The following SPOP variants were observed in gnomAD, a reference collection of about 807,000 sequenced individuals.
The protein encoded by SPOP is speckle-type POZ protein.
In SPOP, 11 loss-of-function variants were observed where a neutral mutation model predicts 45.6. The ratio of observed to expected loss-of-function variants is 0.24; its 90% CI spans 0.15 to 0.40. SPOP has a LOEUF of 0.40. Ranked by LOEUF, SPOP falls within the 10% of genes least tolerant of loss-of-function variation. The probability of loss-of-function intolerance (pLI) is 1.00; values close to 1 mark genes in which losing one functional copy is unlikely to be tolerated. For synonymous variants in SPOP, 166 were observed against 166.3 expected (o/e 1.00, Z 0.01); for missense variants, 152 against 465.6 (o/e 0.33, Z 6.20).
In SPOP at chr17:49,629,921, C is replaced by CT. The variant is rs577079920; in HGVS notation, c.-66-7046dup. On this transcript the variant is annotated intron_variant, in intron 1 of 9. Coordinates refer to ENST00000504102, the MANE Select transcript of SPOP (RefSeq NM_001007228.2). ...GAAGATATTAGATTGAATCATGAAA[C>CT]TGTTGTTTTATATGACAAAAATAGT... Among the ~76,000 whole-genome samples the CT allele has an allele frequency of 2.6e-4, 40 of 152,268 alleles. 1 individual carries two copies. In the South Asian group the frequency reaches 7.7e-3, roughly 29 times the overall value.
At chr17:49,665,158 T>C (rs1007365573) in intron 1 of SPOP, among the ~76,000 whole-genome samples, 6 of 152,166 alleles carry the variant, frequency 3.9e-5, no homozygotes, top group African/African-American at 1.4e-4. Flanking sequence ...TATCCCTATA[T>C]AAAATTACTC....
At chr17:49,678,144 C>A, upstream of SPOP, 2 of 394,948 alleles carry the variant, frequency 5.1e-6, no homozygotes, top group Non-Finnish European at 8.9e-6. Flanking sequence ...CCAGACCCCA[C>A]CCCGCGCGGC....
At chr17:49,666,474 C>T (rs2073060393) in intron 1 of SPOP, among the ~76,000 whole-genome samples, 1 of 151,648 alleles carries the variant, frequency 6.6e-6, no homozygotes, top group South Asian at 2.1e-4. Flanking sequence ...CACACACACA[C>T]ACACACACAC....
At chr17:49,620,289 C>G (rs1039757835) in intron 3 of SPOP, among the ~76,000 whole-genome samples, 2 of 151,986 alleles carry the variant, frequency 1.3e-5, no homozygotes, top group East Asian at 3.9e-4. Flanking sequence ...AATGGCCTGA[C>G]CAACATGGTG....
chr17:49,612,966 A>G (rs1275533366), intron 5 of SPOP: 1 of 152,230 alleles, frequency 6.6e-6, no homozygotes, highest in Non-Finnish European at 1.5e-5. Context: ...GATATTTACT[A>G]TCAGGTCAAG....
chr17:49,613,274 TAAAAAAAA>T (rs78472735), intron 5 of SPOP, among the ~76,000 whole-genome samples: 1 of 122,498 alleles, frequency 8.2e-6, no homozygotes, highest in African/African-American at 2.9e-5. Flanking sequence ...AATACTAATT[TAAAAAAAA>T]AAAAAAAAAA....
At chr17:49,612,520 A>C (rs1287681560) in intron 5 of SPOP, among the ~76,000 whole-genome samples, 1 of 152,244 alleles carries the variant, frequency 6.6e-6, no homozygotes, top group Non-Finnish European at 1.5e-5. Context: ...CTATGGCTTC[A>C]GCAGAAGCAT....
intron 8 of SPOP, among the ~76,000 whole-genome samples, chr17:49,603,649 A>T (rs1317073481): frequency 6.6e-6 from 1 of 152,232 alleles, no homozygotes; most frequent in Non-Finnish European, 1.5e-5. Flanking sequence ...AGATGTTTAG[A>T]TCATTCCATG....
chr17:49,610,731 G>A (rs890036573), intron 6 of SPOP, among the ~76,000 whole-genome samples: 13 of 152,156 alleles, frequency 8.5e-5, no homozygotes, highest in East Asian at 1.9e-4. Context: ...TTCCCTGGGC[G>A]GTGAAGTCAG....
chr17:49,615,296 G>A (rs2072061244), intron 5 of SPOP, among the ~76,000 whole-genome samples: 1 of 152,100 alleles, frequency 6.6e-6, no homozygotes, highest in South Asian at 2.1e-4. Flanking sequence ...GAGGTTCTGG[G>A]ATTATCTACC....
At chr17:49,607,972 G>C in intron 6 of SPOP, 43 bp from the exon 7 acceptor site, 1 of 1,591,344 alleles carries the variant, frequency 6.3e-7, no homozygotes. Context: ...CTATCACAGT[G>C]AAATCTCTTG....
At chr17:49,647,067 ATCGCCTGAGC>A (rs2072770029) in intron 1 of SPOP, among the ~76,000 whole-genome samples, 1 of 152,100 alleles carries the variant, frequency 6.6e-6, no homozygotes, top group Admixed American at 6.6e-5. Context: ...AGGCAGGCAC[ATCGCCTGAGC>A]TCAGCAGTTG....
intron 1 of SPOP, among the ~76,000 whole-genome samples, chr17:49,635,730 G>A (rs2072530213): frequency 6.6e-6 from 1 of 151,038 alleles, no homozygotes; most frequent in Admixed American, 6.6e-5. Context: ...TGCCTCCTGG[G>A]TTCAAGCAAT....
chr17:49,657,648 C>T (rs188797522), intron 1 of SPOP, among the ~76,000 whole-genome samples: 99 of 150,328 alleles, frequency 6.6e-4, no homozygotes, highest in African/African-American at 2.3e-3. Flanking sequence ...CCACTCGCCT[C>T]GGCCTCCCAA....
At chr17:49,627,812 T>C (rs2072367493) in intron 1 of SPOP, among the ~76,000 whole-genome samples, 3 of 152,220 alleles carry the variant, frequency 2.0e-5, no homozygotes, top group South Asian at 4.1e-4. Context: ...GCTACATCTT[T>C]TCCCTTCTTC....
chr17:49,627,957 T>C (rs547710376), intron 1 of SPOP, among the ~76,000 whole-genome samples: 4 of 152,338 alleles, frequency 2.6e-5, no homozygotes, highest in African/African-American at 7.2e-5. Context: ...ATTTCACTCA[T>C]AGCAGGAACC....
chr17:49,642,989 C>A (rs2072687497), intron 1 of SPOP, among the ~76,000 whole-genome samples: 1 of 152,234 alleles, frequency 6.6e-6, no homozygotes, highest in Non-Finnish European at 1.5e-5. Flanking sequence ...CTGAACCAAA[C>A]CCTAAGACAA....
chr17:49,614,422 G>A (rs1228239429), intron 5 of SPOP, among the ~76,000 whole-genome samples: 1 of 152,128 alleles, frequency 6.6e-6, no homozygotes, highest in Non-Finnish European at 1.5e-5. Context: ...TCCAAAACAA[G>A]TAACCTAAAC....
intron 7 of SPOP, among the ~76,000 whole-genome samples, 167 bp from the exon 8 acceptor site, chr17:49,607,539 C>T (rs1386926850): frequency 6.6e-6 from 1 of 152,188 alleles, no homozygotes; most frequent in Admixed American, 6.5e-5. Context: ...GCCTTTTCGT[C>T]CATCACATGT....
Sources: allele counts gnomAD v4.1 joint callset (sites outside exome capture counted in the v4.1 genomes callset), GRCh38; gene constraint gnomAD v4.1.1; transcripts MANE v1.5; gene names NCBI Gene and HGNC (gene_info 2026-07-23, HGNC 2026-07-21).